Variants in TBR1 observed in about 807,000 individuals in gnomAD.
TBR1 encodes T-box brain protein 1.
A neutral mutation model predicts 60.3 loss-of-function variants in TBR1; 7 were observed. The ratio of observed to expected loss-of-function variants is 0.12; its 90% CI spans 0.07 to 0.22. The LOEUF is 0.22. Ranked by LOEUF, TBR1 falls within the 10% of genes least tolerant of loss-of-function variation. The pLI is 1.00. For missense variants in TBR1, 616 were observed against 936.8 expected (o/e 0.66, Z 4.47); for synonymous variants, 417 against 409.9 (o/e 1.02, Z -0.21).
rs1684158424 is a variant in TBR1, at chr2:161,417,962, CAG to C, written c.847+133_847+134del. The C allele has an allele frequency of 3.4e-6, 5 of 1,463,746 alleles. No individual in the cohort carries two copies. Among genetic ancestry groups the C allele is most frequent in the Admixed American group, 2.7e-5 (1 of 37,298 alleles). The allele number at this position is 1,463,746 out of a possible 1,614,324, so 90.7% of individuals were successfully genotyped here. ...GACTTCTAAAAGGAAACGAGGGGGACAGGGGGACAGACTGAGCTGCGAGAAGG... is the reference window on the plus strand; with the variant it reads ...GACTTCTAAAAGGAAACGAGGGGGACGGGGACAGACTGAGCTGCGAGAAGG... On this transcript the variant is annotated intron_variant, in intron 2 of 5. Coordinates refer to ENST00000389554, the MANE Select transcript of TBR1 (RefSeq NM_006593.4). This position sits in a 1 kb window ranked among gnomAD's most constrained non-coding sequence, Gnocchi z 5.3.
In TBR1 at chr2:161,417,005, C is replaced by A; in HGVS notation, c.595C>A (p.Leu199Met). 2 of 1,614,184 alleles carry A rather than the reference C, an allele frequency of 1.2e-6. No individual in the cohort carries two copies. The highest frequency in any genetic ancestry group is 1.7e-6 in the Non-Finnish European group (2 of 1,180,048). Residue 199 changes from leucine (L) to methionine (M), a missense_variant, in exon 1 of 6, where the codon CTG becomes ATG. Coordinates refer to ENST00000389554, the MANE Select transcript of TBR1 (RefSeq NM_006593.4). This position sits in a 1 kb window ranked among gnomAD's most constrained non-coding sequence, Gnocchi z 5.3. Reference protein sequence around the residue: ...FYQFSSTQPGLVPGKAQVYLC... With the variant: ...FYQFSSTQPGMVPGKAQVYLC... ...CCAGTTCTCCTCCACCCAGCCGGGGCTGGTGCCCGGCAAAGCACAGGTGTA... is the reference window on the plus strand; with the variant it reads ...CCAGTTCTCCTCCACCCAGCCGGGGATGGTGCCCGGCAAAGCACAGGTGTA...
chr2:161,416,784 C>T lies in TBR1; in HGVS notation c.374C>T (p.Pro125Leu). Residue 125 changes from proline (P) to leucine (L), a missense_variant, in exon 1 of 6, where the codon CCG (proline) becomes CTG (leucine). Coordinates refer to ENST00000389554, the MANE Select transcript of TBR1 (RefSeq NM_006593.4). The surrounding 1 kb of genome is among the most constrained non-coding windows in gnomAD (Gnocchi z 6.1). ...GCCACTGCTCCCAGTGCCATGTTCC[C>T]GTACCCCGGCCAGCACGGACCGGCG... ...SAATAPSAMF[P>L]YPGQHGPAHP... 6.2e-7 allele frequency: 1 copy of T among 1,614,160 alleles called. No individual in the cohort carries two copies. The highest frequency in any genetic ancestry group is 8.5e-7 in the Non-Finnish European group (1 of 1,180,048).
In TBR1 at chr2:161,423,781, C is replaced by T; in HGVS notation, c.1603C>T (p.Pro535Ser). 6.8e-7 allele frequency: 1 copy of T among 1,477,336 alleles called. No homozygotes were observed. Among genetic ancestry groups the T allele is most frequent in the Non-Finnish European group, 8.9e-7 (1 of 1,120,200 alleles). 91.5% of individuals were successfully genotyped at this position (1,477,336 alleles called of 1,614,324 possible). The change falls in exon 6 of 6, where the codon CCG becomes TCG. Residue 535 changes from proline to serine, a missense_variant. Physicochemically the swap from Pro to Ser is moderately conservative, Grantham distance 74. Coordinates refer to ENST00000389554, the MANE Select transcript of TBR1 (RefSeq NM_006593.4). ...GCAGGCTGCAGGCTGCACTGGCCGCCCGCTCGGCTACTACGCCGACCCGTC... is the reference window on the plus strand; with the variant it reads ...GCAGGCTGCAGGCTGCACTGGCCGCTCGCTCGGCTACTACGCCGACCCGTC... ...PLQAAGCTGRPLGYYADPSGW... is the reference protein window; with the variant it reads ...PLQAAGCTGRSLGYYADPSGW...
Position 161,416,389 on chromosome 2 carries a change from C to CGAGT in TBR1, c.-20_-17dup, listed in dbSNP as rs1684122826. 6.5e-7 allele frequency: 1 copy of CGAGT among 1,531,060 alleles called. No homozygotes were observed. The highest frequency in any genetic ancestry group is 2.1e-5 in the Admixed American group (1 of 48,066). 94.8% of individuals were successfully genotyped at this position (1,531,060 alleles called of 1,614,324 possible). On this transcript the variant is annotated 5_prime_UTR_variant, in exon 1 of 6. Coordinates refer to ENST00000389554, the MANE Select transcript of TBR1 (RefSeq NM_006593.4). The surrounding 1 kb of genome is among the most constrained non-coding windows in gnomAD (Gnocchi z 6.1). ...ACTTTAAAAACCAGGGACGGGAGGGCGAGTGTTCAGGTTCTAGAGCTATGC... is the reference window on the plus strand; with the variant it reads ...ACTTTAAAAACCAGGGACGGGAGGGCGAGTGAGTGTTCAGGTTCTAGAGCTATGC...
intron 5 of TBR1, chr2:161,421,130 G>C (rs913766075): frequency 6.6e-6 from 1 of 152,336 alleles, no homozygotes; most frequent in Non-Finnish European, 1.5e-5. Flanking sequence ...ATCTAAATCT[G>C]GATTGTGGGG....
At chr2:161,420,687 T>C (rs1234268998) in intron 5 of TBR1, 1 of 153,896 alleles carries the variant, frequency 6.5e-6, no homozygotes, top group African/African-American at 2.4e-5. Context: ...TAAAAGTGCA[T>C]GTGGCTCCTC....
Position 161,424,090 on chromosome 2 carries a change from A to C in TBR1, c.1912A>C (p.Arg638=), listed in dbSNP as rs775513761. 6.8e-6 allele frequency: 11 copies of C among 1,611,896 alleles called. No homozygotes were observed. The South Asian group carries it at 9.9e-5, about 15-fold the overall frequency. The part of the protein sequence containing the change: ...DSGIYEQAKR[R]RISPADTPVS... ...GGGGATTTACGAGCAGGCCAAGCGG[A>C]GGCGGATCTCGCCGGCCGACACGCC... Residue 638 remains arginine (R), a synonymous_variant, in exon 6 of 6, where the codon AGG becomes CGG. Transcript: ENST00000389554. The surrounding 1 kb of genome is among the most constrained non-coding windows in gnomAD (Gnocchi z 4.4).
Position 161,424,008 on chromosome 2 carries a change from C to G in TBR1, c.1830C>G (p.Ser610=), listed in dbSNP as rs908576997. Residue 610 remains serine, a synonymous_variant, in exon 6 of 6, where the codon TCC becomes TCG. Coordinates refer to ENST00000389554, the MANE Select transcript of TBR1 (RefSeq NM_006593.4). This position sits in a 1 kb window ranked among gnomAD's most constrained non-coding sequence, Gnocchi z 4.4. ...AAEDAKPKDL[S]DSSWIETPSS... is the part of the protein sequence containing the mutation. ...AGGACGCCAAGCCCAAGGACCTGTC[C>G]GATTCCAGCTGGATCGAGACGCCCT... 6.3e-7 allele frequency: 1 copy of G among 1,576,036 alleles called. No individual in the cohort carries two copies. The highest frequency in any genetic ancestry group is 1.2e-5 in the South Asian group (1 of 86,074).
chr2:161,417,871 A>C lies in TBR1; in HGVS notation c.847+41A>C. On this transcript the variant is annotated intron_variant, in intron 2 of 5. Coordinates refer to ENST00000389554, the MANE Select transcript of TBR1 (RefSeq NM_006593.4). This position sits in a 1 kb window ranked among gnomAD's most constrained non-coding sequence, Gnocchi z 5.3. ...TAACACATTTTCTTGACACTTATTTAGGTGAGAATGATTAATTAAAGCCTT... is the reference window on the plus strand; with the variant it reads ...TAACACATTTTCTTGACACTTATTTCGGTGAGAATGATTAATTAAAGCCTT... 1 of 1,603,390 alleles carries C rather than the reference A, an allele frequency of 6.2e-7. No homozygotes were observed. The highest frequency in any genetic ancestry group is 1.1e-5 in the South Asian group (1 of 89,822).
At position 161,423,517 on chromosome 2, in the gene TBR1, C is replaced by CGGGCG; in HGVS notation, c.1339_1340insGGGCG (p.Pro447ArgfsTer42). 1 of 1,585,478 alleles carries CGGGCG rather than the reference C, an allele frequency of 6.3e-7. No homozygotes were observed. The highest frequency in any genetic ancestry group is 8.6e-7 in the Non-Finnish European group (1 of 1,168,284). ...CAACTACGCCAAGGCCCGCTTCCAC[C>CGGGCG]CGGGCGCGGGCGCGGGCCCCGGGCC... On this transcript the variant is annotated frameshift_variant, in exon 6 of 6. Coordinates refer to ENST00000389554, the MANE Select transcript of TBR1 (RefSeq NM_006593.4). LOFTEE classifies it high-confidence loss of function.
rs1375481125 is a variant in TBR1, at chr2:161,417,209, A to G, written c.692+107A>G. 8.4e-7 allele frequency: 1 copy of G among 1,193,990 alleles called. No individual in the cohort carries two copies. Among genetic ancestry groups the G allele is most frequent in the African/African-American group, 1.5e-5 (1 of 64,758 alleles). 74.0% of individuals were successfully genotyped at this position (1,193,990 alleles called of 1,614,324 possible). Reference sequence around the variant, plus strand: ...CGATTTGGGGTCGGGAGCGGAGTGGAAGGCGCCCTAGAGTTGGCTAGTTTT... The same window carrying G: ...CGATTTGGGGTCGGGAGCGGAGTGGGAGGCGCCCTAGAGTTGGCTAGTTTT... On this transcript the variant is annotated intron_variant, in intron 1 of 5. Transcript: ENST00000389554. The surrounding 1 kb of genome is among the most constrained non-coding windows in gnomAD (Gnocchi z 5.3).
rs769183125 is a variant in TBR1, at chr2:161,416,558, T to A, written c.148T>A (p.Ser50Thr). ...ISTTDNLERS[S>T]PLKKITRGMT... ...GACCACTGACAACCTGGAGAGAAGT[T>A]CACCTTTGAAAAAAATTACCAGGGG... The change falls in exon 1 of 6, where the codon TCA (serine) becomes ACA (threonine). Residue 50 changes from serine to threonine, a missense_variant. Coordinates refer to ENST00000389554, the MANE Select transcript of TBR1 (RefSeq NM_006593.4). The surrounding 1 kb of genome is among the most constrained non-coding windows in gnomAD (Gnocchi z 6.1). 11 of 1,613,970 alleles carry A rather than the reference T, an allele frequency of 6.8e-6. No homozygotes were observed. Among genetic ancestry groups the A allele is most frequent in the Non-Finnish European group, 7.6e-6 (9 of 1,180,022 alleles).
chr2:161,418,732 A>G, intron 3 of TBR1, 160 bp from the exon 4 acceptor site: 1 of 1,025,294 alleles, frequency 9.8e-7, no homozygotes, highest in Non-Finnish European at 1.4e-6. Context: ...TGCCCCAGCC[A>G]GCCAGCCGCC....
rs964010584 is a variant in TBR1 at position 161,424,052 on chromosome 2, A to G, written c.1874A>G (p.Asp625Gly). 1 of 1,607,886 alleles carries G rather than the reference A, an allele frequency of 6.2e-7. No homozygotes were observed. Among genetic ancestry groups the G allele is most frequent in the Non-Finnish European group, 8.5e-7 (1 of 1,177,660 alleles). Residue 625 changes from aspartate (D) to glycine (G), a missense_variant, in exon 6 of 6, where the codon GAC becomes GGC. By Grantham distance (94) the Asp-to-Gly change is moderately conservative. Transcript: ENST00000389554. The surrounding 1 kb of genome is among the most constrained non-coding windows in gnomAD (Gnocchi z 4.4). ...ACGCCCTCCTCGATCAAGTCCATCG[A>G]CTCCAGCGACTCGGGGATTTACGAG... ...IETPSSIKSI[D>G]SSDSGIYEQA...
intron 2 of TBR1, 103 bp from the exon 3 acceptor site, chr2:161,418,096 ATG>A (rs78592009): frequency 0.083 from 112,783 of 1,357,078 alleles, 128 homozygotes; most frequent in Non-Finnish European, 0.088. Flanking sequence ...AGGTGTGTGT[ATG>A]TGTGTGTGTG....
chr2:161,418,821 C>A lies in TBR1; in HGVS notation c.970-71C>A, dbSNP rs902722281. The A allele has an allele frequency of 9.8e-6, 15 of 1,538,172 alleles. 1 individual carries two copies. The highest frequency in any genetic ancestry group is 2.1e-4 in the Middle Eastern group (1 of 4,716). ...CCGCCGGCCCGGGCGCGCAGCCGGG[C>A]GCACACAGCCACGCGCACAGCGACC... On this transcript the variant is annotated intron_variant, in intron 3 of 5. Transcript: ENST00000389554.
At chr2:161,418,669 C>A (rs1275080432) in intron 3 of TBR1, 3 of 635,984 alleles carry the variant, frequency 4.7e-6, no homozygotes, top group Non-Finnish European at 7.6e-6. Context: ...CGGCTTCCCC[C>A]TTTTTTCCGG....
In TBR1 at chr2:161,424,235, C is replaced by T; in HGVS notation, c.*8C>T. ...TTCTACTCGCACAGCTAGGCCGCCCCTGCCCGCCCGGCCCCGCCGCGGCCC... is the reference window on the plus strand; with the variant it reads ...TTCTACTCGCACAGCTAGGCCGCCCTTGCCCGCCCGGCCCCGCCGCGGCCC... On this transcript the variant is annotated 3_prime_UTR_variant, in exon 6 of 6. Coordinates refer to ENST00000389554, the MANE Select transcript of TBR1 (RefSeq NM_006593.4). The surrounding 1 kb of genome is among the most constrained non-coding windows in gnomAD (Gnocchi z 4.4). 1 of 1,546,898 alleles carries T rather than the reference C, an allele frequency of 6.5e-7. No individual in the cohort carries two copies. Among genetic ancestry groups the T allele is most frequent in the South Asian group, 1.2e-5 (1 of 83,852 alleles).
chr2:161,418,075 A>T (rs1684161270), intron 2 of TBR1, 126 bp from the exon 3 acceptor site: 2 of 1,468,310 alleles, frequency 1.4e-6, no homozygotes, highest in East Asian at 4.9e-5. Context: ...AATGGGCTTC[A>T]TGGTGGAGTA....
Sources: gnomAD v4.1 joint callset for allele counts on GRCh38, gnomAD v4.1.1 for gene constraint, Gnocchi (gnomAD v3.1) non-coding constraint, MANE v1.5 for transcripts, NCBI Gene and HGNC (gene_info 2026-07-23, HGNC 2026-07-21) for gene names.